The following LPGAT1 variants were observed in gnomAD, a reference collection of about 807,000 sequenced individuals.
LPGAT1 encodes the protein lysophosphatidylglycerol acyltransferase 1, also known as acyl-CoA:lysophosphatidylglycerol acyltransferase 1.
LPGAT1 carries 11 observed loss-of-function variants against 47.5 expected under a neutral mutation model. That is an observed-to-expected ratio of 0.23 (90% confidence interval 0.15 to 0.38). LPGAT1 has a LOEUF of 0.38. Among genes scored for constraint, LPGAT1 ranks in the 10% least tolerant of loss-of-function variants. LPGAT1 has a pLI of 1.00. For missense variants in LPGAT1, 293 were observed against 439.0 expected (o/e 0.67, Z 2.97); for synonymous variants, 138 against 144.2 (o/e 0.96, Z 0.31).
intron 6 of LPGAT1, among the ~76,000 whole-genome samples, chr1:211,778,503 A>G (rs1036417441): frequency 6.6e-5 from 10 of 152,146 alleles, no homozygotes; most frequent in Non-Finnish European, 1.5e-4. Flanking sequence ...TACTTTCCTA[A>G]TAAACTTGCT....
chr1:211,805,981 C>T lies in LPGAT1; in HGVS notation c.239-12791G>A, dbSNP rs557784008. Reference sequence around the variant, plus strand: ...CTGGTCCAATATCCAAATATCAGGCCGGGCGCAGTGGCTCATGCCTGTAAT... The same window carrying T: ...CTGGTCCAATATCCAAATATCAGGCTGGGCGCAGTGGCTCATGCCTGTAAT... On this transcript the variant is annotated intron_variant, in intron 2 of 7. Transcript: ENST00000366997. 4.6e-5 allele frequency among the ~76,000 whole-genome samples: 7 copies of T among 152,200 alleles called. No individual in the cohort carries two copies. The East Asian group carries it at 1.2e-3, about 25-fold the overall frequency.
intron 2 of LPGAT1, among the ~76,000 whole-genome samples, chr1:211,815,330 C>T (rs543267048): frequency 1.3e-5 from 2 of 152,268 alleles, no homozygotes; most frequent in East Asian, 3.9e-4. Flanking sequence ...ACCTCAGGGG[C>T]ATCCCTGTCA....
intron 3 of LPGAT1, among the ~76,000 whole-genome samples, chr1:211,788,724 A>G (rs1361443540): frequency 1.3e-5 from 2 of 152,088 alleles, no homozygotes; most frequent in African/African-American, 4.8e-5. Context: ...GATCTAATTA[A>G]TGAATCGGTT....
chr1:211,803,203 T>C (rs1055807042), intron 2 of LPGAT1: 10 of 152,218 alleles, frequency 6.6e-5, no homozygotes, highest in African/African-American at 2.2e-4. Context: ...AAAAATATTT[T>C]CAAGTGTGTG....
rs1656996139 is a variant in LPGAT1, at chr1:211,747,648, A to G, written c.*2251T>C. 1 of 152,198 alleles carries G rather than the reference A, an allele frequency of 6.6e-6. No homozygotes were observed. The highest frequency in any genetic ancestry group is 2.4e-5 in the African/African-American group (1 of 41,446). 9.4% of individuals were successfully genotyped at this position (152,198 alleles called of 1,614,324 possible). On this transcript the variant is annotated 3_prime_UTR_variant, in exon 8 of 8. Coordinates refer to ENST00000366997, the MANE Select transcript of LPGAT1 (RefSeq NM_014873.3). ...GCTAGGACCGTGCATGCTGTATTTG[A>G]CAGTGAGCAACTTCTCCCCCAGATG...
intron 3 of LPGAT1, among the ~76,000 whole-genome samples, chr1:211,790,340 G>A (rs542840117): frequency 1.2e-4 from 19 of 152,174 alleles, no homozygotes; most frequent in African/African-American, 4.1e-4. Flanking sequence ...AGAAACTAAT[G>A]GGGGCTTCAA....
intron 2 of LPGAT1, among the ~76,000 whole-genome samples, chr1:211,817,341 G>T (rs1371266458): frequency 1.3e-5 from 2 of 152,152 alleles, no homozygotes; most frequent in Non-Finnish European, 1.5e-5. Context: ...GGAGGCAGAG[G>T]CAGGTGGATC....
At chr1:211,797,892 G>A (rs948400818) in intron 2 of LPGAT1, among the ~76,000 whole-genome samples, 1 of 152,060 alleles carries the variant, frequency 6.6e-6, no homozygotes, top group African/African-American at 2.4e-5. Flanking sequence ...TTTTCTAATT[G>A]TAATAAATTT....
At chr1:211,779,338 AC>A (rs1361455493) in intron 5 of LPGAT1, among the ~76,000 whole-genome samples, 2 of 152,124 alleles carry the variant, frequency 1.3e-5, no homozygotes, top group Non-Finnish European at 2.9e-5. Context: ...TATATTTAAC[AC>A]TCCTATAAAA....
intron 2 of LPGAT1, among the ~76,000 whole-genome samples, chr1:211,823,117 C>G (rs1386676575): frequency 6.6e-6 from 1 of 152,110 alleles, no homozygotes; most frequent in Admixed American, 6.5e-5. Context: ...ATCTAAAGGT[C>G]AAAATTGGCT....
intron 2 of LPGAT1, among the ~76,000 whole-genome samples, chr1:211,797,035 C>T (rs900798271): frequency 4.6e-5 from 7 of 152,066 alleles, no homozygotes; most frequent in Non-Finnish European, 1.0e-4. Flanking sequence ...GTGGGTGGAT[C>T]ACTTGAGGTC....
intron 2 of LPGAT1, among the ~76,000 whole-genome samples, chr1:211,817,750 G>T (rs73086904): frequency 0.026 from 3,955 of 152,166 alleles, 159 homozygotes; most frequent in African/African-American, 0.088. Context: ...TTTGGTAATG[G>T]TGCTTCATTT....
chr1:211,792,760 G>A (rs1558271307), intron 3 of LPGAT1, among the ~76,000 whole-genome samples: 1 of 120,386 alleles, frequency 8.3e-6, no homozygotes, highest in Non-Finnish European at 1.6e-5. Context: ...TTGCTAGGCT[G>A]GAGTACAGTG....
chr1:211,775,077 G>A (rs1205429948), intron 6 of LPGAT1, among the ~76,000 whole-genome samples: 1 of 152,164 alleles, frequency 6.6e-6, no homozygotes, highest in African/African-American at 2.4e-5. Context: ...TTATGTTCCA[G>A]TGAGGTACAG....
At chr1:211,821,738 C>T (rs1660375209) in intron 2 of LPGAT1, among the ~76,000 whole-genome samples, 1 of 151,998 alleles carries the variant, frequency 6.6e-6, no homozygotes. Context: ...AGAGTTTTAC[C>T]TTTGGTCATA....
chr1:211,769,490 T>C (rs1658074006), intron 6 of LPGAT1, among the ~76,000 whole-genome samples: 1 of 152,146 alleles, frequency 6.6e-6, no homozygotes, highest in Non-Finnish European at 1.5e-5. Context: ...AGAGGATTTT[T>C]GGATCTCGGG....
intron 3 of LPGAT1, chr1:211,792,350 C>G (rs1659156772): frequency 6.6e-6 from 1 of 151,652 alleles, no homozygotes; most frequent in Non-Finnish European, 1.5e-5. Context: ...CTCAAGCGAT[C>G]CTCCTGCCTC....
rs1306663887 is a variant in LPGAT1, at chr1:211,745,726, A to G, written c.*4173T>C. 6.6e-6 allele frequency: 1 copy of G among 152,654 alleles called. No individual in the cohort carries two copies. Among genetic ancestry groups the G allele is most frequent in the Non-Finnish European group, 1.5e-5 (1 of 68,058 alleles). 9.5% of individuals were successfully genotyped at this position (152,654 alleles called of 1,614,324 possible). A position where few individuals can be genotyped will look rare whatever the true frequency, so the allele number is the denominator to read the frequency against. On this transcript the variant is annotated 3_prime_UTR_variant, in exon 8 of 8. Coordinates refer to ENST00000366997, the MANE Select transcript of LPGAT1 (RefSeq NM_014873.3). ...TGGCGCAAAATGATTACAATAAAGC[A>G]CCAACCAATGACTGCTCCAGAGAAT...
rs148575637 is a variant in LPGAT1 at position 211,801,807 on chromosome 1, C to T, written c.239-8617G>A. ...AGAAGAGAAAAGAAAAGAAATGGCACGGTGGCTCACTCCTGTAATCCCAGC... is the reference window on the plus strand; with the variant it reads ...AGAAGAGAAAAGAAAAGAAATGGCATGGTGGCTCACTCCTGTAATCCCAGC... On this transcript the variant is annotated intron_variant, in intron 2 of 7. Coordinates refer to ENST00000366997, the MANE Select transcript of LPGAT1 (RefSeq NM_014873.3). Among the ~76,000 whole-genome samples, 467 of 150,790 alleles carry T rather than the reference C, an allele frequency of 3.1e-3. 1 individual carries two copies. The highest frequency in any genetic ancestry group is 0.011 in the African/African-American group (444 of 41,096).
Sources: gnomAD v4.1 joint callset for allele counts (sites outside exome capture counted in the v4.1 genomes callset) on GRCh38, gnomAD v4.1.1 for gene constraint, MANE v1.5 for transcripts, NCBI Gene and HGNC (gene_info 2026-07-23, HGNC 2026-07-21) for gene names.